Variants in ZNF687 observed in about 807,000 individuals in gnomAD.
The protein encoded by ZNF687 is zinc finger protein 687.
A neutral mutation model predicts 71.8 loss-of-function variants in ZNF687; 13 were observed. That is an observed-to-expected ratio of 0.18 (90% CI 0.12 to 0.29). ZNF687 has a LOEUF of 0.29. ZNF687 is among the 10% of genes least tolerant of loss of function. ZNF687 has a pLI of 1.00. For synonymous variants in ZNF687, 673 were observed against 641.6 expected, an observed-to-expected ratio of 1.05 and a Z score of -0.74; for missense variants, 1,412 against 1,625.6, an observed-to-expected ratio of 0.87 and a Z score of 2.26.
At chr1:151,283,462 C>A in intron 1 of ZNF687, 1 of 339,100 alleles carries the variant, frequency 2.9e-6, no homozygotes, top group Non-Finnish European at 4.2e-6. Flanking sequence ...AAGGCCTGAT[C>A]CTCCTTGGCT....
intron 1 of ZNF687, among the ~76,000 whole-genome samples, chr1:151,282,688 C>T: frequency 6.6e-6 from 1 of 152,092 alleles, no homozygotes; most frequent in East Asian, 1.9e-4. Flanking sequence ...AGATTGAAGG[C>T]TGCGGGATGT....
At position 151,287,041 on chromosome 1, in the gene ZNF687, C is replaced by T; in HGVS notation, c.750C>T (p.Ala250=). The change falls in exon 2 of 9, where the codon GCC becomes GCT. Residue 250 remains alanine, a synonymous_variant. Coordinates refer to ENST00000336715, the MANE Select transcript of ZNF687 (RefSeq NM_020832.3). This position sits in a 1 kb window ranked among gnomAD's most constrained non-coding sequence, Gnocchi z 5.0. ...GCCCTAAGGCCACGGACATCCCTGC[C>T]AGTGCCTCGCCTCCCCCAGTTGCTG... is the stretch of plus-strand genomic sequence containing the variant. The part of the protein sequence containing the change: ...GSSPKATDIP[A]SASPPPVAGV... 1.9e-6 allele frequency: 3 copies of T among 1,608,628 alleles called. No individual in the cohort carries two copies. The highest frequency in any genetic ancestry group is 2.6e-6 in the Non-Finnish European group (3 of 1,176,182).
rs149712193 is a variant in ZNF687 at position 151,288,205 on chromosome 1, G to T, written c.1914G>T (p.Gly638=). The change falls in exon 2 of 9, where the codon GGG becomes GGT. Residue 638 remains glycine, a synonymous_variant. Transcript: ENST00000336715. ...LALPALGKGE[G]AITSSAITTV... ...TGCCTGCCTTGGGCAAGGGTGAGGG[G>T]GCCATCACCTCCTCTGCCATTACTA... 7.4e-6 allele frequency: 12 copies of T among 1,613,650 alleles called. No homozygotes were observed. The African/African-American group carries it at 1.3e-4, about 18-fold the overall frequency.
At chr1:151,283,058 C>T in intron 1 of ZNF687, 1 of 975,646 alleles carries the variant, frequency 1.0e-6, no homozygotes, top group Non-Finnish European at 1.2e-6. Flanking sequence ...CGCAGCAGCT[C>T]CCAAAGGGCC....
At position 151,286,966 on chromosome 1, in the gene ZNF687, C is replaced by G. The variant is rs138073338; in HGVS notation, c.675C>G (p.Ser225Arg). The change falls in exon 2 of 9, where the codon AGC becomes AGG. Residue 225 changes from serine (S) to arginine (R), a missense_variant. Physicochemically the swap from Ser to Arg is moderately radical, Grantham distance 110. Coordinates refer to ENST00000336715, the MANE Select transcript of ZNF687 (RefSeq NM_020832.3). ...SPPLGALKQE[S>R]CSPHHPQVLA... ...CATTGGGGGCCTTGAAGCAGGAGAG[C>G]TGCAGCCCCCATCATCCCCAGGTCC... The G allele has an allele frequency of 1.4e-5, 23 of 1,606,948 alleles. No homozygotes were observed. Among genetic ancestry groups the G allele is most frequent in the Non-Finnish European group, 2.0e-5 (23 of 1,175,822 alleles).
intron 5 of ZNF687, 37 bp from the exon 6 acceptor site, chr1:151,289,641 C>T: frequency 6.3e-7 from 1 of 1,595,838 alleles, no homozygotes; most frequent in Non-Finnish European, 8.6e-7. Context: ...GCCAGGCCCT[C>T]CCCCACAACA....
At position 151,290,812 on chromosome 1, in the gene ZNF687, C is replaced by T. The variant is rs1482724513; in HGVS notation, c.3317C>T (p.Ser1106Phe). The T allele has an allele frequency of 2.5e-6, 4 of 1,613,922 alleles. No individual in the cohort carries two copies. In the South Asian group the frequency reaches 3.3e-5, roughly 13 times the overall value. Residue 1106 changes from serine (S) to phenylalanine (F), a missense_variant, in exon 9 of 9, where the codon TCT (serine) becomes TTT (phenylalanine). Ser to Phe is a radical substitution (Grantham distance 155). This residue lies in a region of ZNF687 where 284 missense variants were observed against 359.2 expected (regional missense o/e 0.79). Coordinates refer to ENST00000336715, the MANE Select transcript of ZNF687 (RefSeq NM_020832.3). ...AAGTCCCCCAGGGGCGGACCTGGAT[C>T]TGGAGGCCATGGCCCTCTGCGCTAC... The part of the protein sequence containing the change: ...PAKSPRGGPG[S>F]GGHGPLRYRS...
chr1:151,291,574 C>G lies in ZNF687; in HGVS notation c.*365C>G, dbSNP rs976803157. ...GGGGGTGTCATGGATGGACACACCT[C>G]TCCACAATTCCTTCAGGCATGGACT... is the stretch of plus-strand genomic sequence containing the variant. On this transcript the variant is annotated 3_prime_UTR_variant, in exon 9 of 9. Transcript: ENST00000336715. 5.2e-6 allele frequency: 1 copy of G among 191,124 alleles called. No homozygotes were observed. The highest frequency in any genetic ancestry group is 5.6e-5 in the Admixed American group (1 of 18,008). 11.8% of individuals were successfully genotyped at this position (191,124 alleles called of 1,614,324 possible). A position where few individuals can be genotyped will look rare whatever the true frequency, so the allele number is the denominator to read the frequency against.
In ZNF687 at chr1:151,290,401, G is replaced by T. The variant is rs752589161; in HGVS notation, c.3078-31G>T. On this transcript the variant is annotated intron_variant, in intron 7 of 8. Coordinates refer to ENST00000336715, the MANE Select transcript of ZNF687 (RefSeq NM_020832.3). Reference sequence around the variant, plus strand: ...AGGGCCCTGGCCTTCGGGCTGTGCCGCTGCTGCCATCCTGTCCTCTCCCAT... The same window carrying T: ...AGGGCCCTGGCCTTCGGGCTGTGCCTCTGCTGCCATCCTGTCCTCTCCCAT... The T allele has an allele frequency of 6.2e-6, 10 of 1,613,356 alleles. No homozygotes were observed. In the East Asian group the frequency reaches 2.2e-4, roughly 36 times the overall value.
chr1:151,281,936 G>T (rs1693727368), upstream of ZNF687: 1 of 1,042,448 alleles, frequency 9.6e-7, no homozygotes, highest in African/African-American at 1.7e-5. Flanking sequence ...GGAGCGAGGG[G>T]CGGAGACGCA....
At chr1:151,286,097 G>A in intron 1 of ZNF687, 178 bp from the exon 2 acceptor site, 1 of 482,224 alleles carries the variant, frequency 2.1e-6, no homozygotes. Flanking sequence ...ATCCTCTTCT[G>A]ATTTTAAGGT....
Position 151,286,513 on chromosome 1 carries a change from G to A in ZNF687, c.222G>A (p.Leu74=). The change falls in exon 2 of 9, where the codon CTG becomes CTA. Residue 74 remains leucine, a synonymous_variant. Coordinates refer to ENST00000336715, the MANE Select transcript of ZNF687 (RefSeq NM_020832.3). ...CAGCCCAGGCCTCTGACCATGGCCT[G>A]CCACCGCCAGACATTTCTGTAGTCA... The part of the protein sequence containing the change: ...GVPAQASDHG[L]PPPDISVVSV... 6.2e-7 allele frequency: 1 copy of A among 1,614,180 alleles called. No homozygotes were observed. Among genetic ancestry groups the A allele is most frequent in the Non-Finnish European group, 8.5e-7 (1 of 1,180,032 alleles).
chr1:151,290,092 T>C (rs983515236), intron 6 of ZNF687, 30 bp from the exon 7 acceptor site: 1 of 1,613,364 alleles, frequency 6.2e-7, no homozygotes, highest in East Asian at 2.2e-5. Flanking sequence ...TCCTGGAGCC[T>C]GGCTCTGACA....
chr1:151,286,624 G>C lies in ZNF687; in HGVS notation c.333G>C (p.Gly111=), dbSNP rs1184194703. 3 of 1,614,052 alleles carry C rather than the reference G, an allele frequency of 1.9e-6. No individual in the cohort carries two copies. Among genetic ancestry groups the C allele is most frequent in the Admixed American group, 1.7e-5 (1 of 60,002 alleles). Reference sequence around the variant, plus strand: ...CAGGAGACGGGGCCCAGGCTGCTGGGGTAACTAAAGAAGGGCCTGTGGGGC... The same window carrying C: ...CAGGAGACGGGGCCCAGGCTGCTGGCGTAACTAAAGAAGGGCCTGTGGGGC... ...GSAGDGAQAA[G]VTKEGPVGPH... is the part of the protein sequence containing the mutation. Residue 111 remains glycine, a synonymous_variant, in exon 2 of 9, where the codon GGG becomes GGC. Transcript: ENST00000336715.
chr1:151,284,239 A>G, intron 1 of ZNF687: 2 of 985,198 alleles, frequency 2.0e-6, no homozygotes, highest in Non-Finnish European at 2.4e-6. Context: ...GCTTTTTCCC[A>G]CTGTGGCAGC....
Position 151,288,267 on chromosome 1 carries a change from C to G in ZNF687, c.1976C>G (p.Thr659Arg). The G allele has an allele frequency of 6.2e-7, 1 of 1,613,720 alleles. No individual in the cohort carries two copies. The highest frequency in any genetic ancestry group is 1.1e-5 in the South Asian group (1 of 91,088). Residue 659 changes from threonine (T) to arginine (R), a missense_variant, in exon 2 of 9, where the codon ACA becomes AGA. Physicochemically the swap from Thr to Arg is moderately conservative, Grantham distance 71 (BLOSUM62 -1). Transcript: ENST00000336715. The stretch of plus-strand genomic sequence containing the variant: ...GAGGCCCCTGTCCTGCCGCTCTCCA[C>G]AGAGCCGCCTGCTGCCCCGGCCACC... ...AAEAPVLPLS[T>R]EPPAAPATSA... is the part of the protein sequence containing the mutation.
rs1326016031 is a variant in ZNF687, at chr1:151,289,730, G to A, written c.2687G>A (p.Gly896Asp). 7 of 1,559,408 alleles carry A rather than the reference G, an allele frequency of 4.5e-6. No homozygotes were observed. The highest frequency in any genetic ancestry group is 1.4e-5 in the African/African-American group (1 of 73,418). ...GAGACTGCTGGGAAAGGGGCCGGGG[G>A]TGCCCTGCTGACCCCCAAGACTGAG... is the stretch of plus-strand genomic sequence containing the variant. ...LEETAGKGAG[G>D]ALLTPKTEPE... Residue 896 changes from glycine to aspartate, a missense_variant, in exon 6 of 9, where the codon GGT becomes GAT. This residue lies in a region of ZNF687 where 135 missense variants were observed against 104.1 expected (regional missense o/e 1.30). Coordinates refer to ENST00000336715, the MANE Select transcript of ZNF687 (RefSeq NM_020832.3).
intron 8 of ZNF687, 43 bp downstream of exon 8, chr1:151,290,616 A>G: frequency 6.3e-7 from 1 of 1,594,664 alleles, no homozygotes; most frequent in Non-Finnish European, 8.5e-7. Flanking sequence ...TTTGAGTGGG[A>G]AACTGGAAGG....
At chr1:151,283,421 A>G in intron 1 of ZNF687, 1 of 587,150 alleles carries the variant, frequency 1.7e-6, no homozygotes, top group Non-Finnish European at 2.1e-6. Flanking sequence ...GGGAGATAGG[A>G]GCCCTAGAGA....
Sources: gnomAD v4.1 joint callset for allele counts (sites outside exome capture counted in the v4.1 genomes callset) on GRCh38, gnomAD v4.1.1 for gene constraint, gnomAD v4.1.1 regional missense constraint, Gnocchi (gnomAD v3.1) non-coding constraint, MANE v1.5 for transcripts, NCBI Gene and HGNC (gene_info 2026-07-23, HGNC 2026-07-21) for gene names.